The following ERG variants were observed in gnomAD, a reference collection of about 807,000 sequenced individuals.
ERG encodes the protein ETS transcription factor ERG.
Under a neutral mutation model 55.3 loss-of-function variants are expected in ERG, and 9 were observed. The ratio of observed to expected loss-of-function variants is 0.16; its 90% CI spans 0.10 to 0.28. The LOEUF (loss-of-function observed/expected upper bound fraction) is 0.28, where lower values mean the gene tolerates loss of function less well. ERG is among the 10% of genes least tolerant of loss of function. The probability of loss-of-function intolerance (pLI) is 1.00; values close to 1 mark genes in which losing one functional copy is unlikely to be tolerated. For missense variants in ERG, 434 were observed against 631.6 expected (o/e 0.69, Z 3.35); for synonymous variants, 223 against 237.3 (o/e 0.94, Z 0.55).
At chr21:38,451,174 G>A (rs1193922623) in intron 1 of ERG, 1 of 504,008 alleles carries the variant, frequency 2.0e-6, no homozygotes, top group Non-Finnish European at 4.0e-6. Flanking sequence ...AAGATGAAGG[G>A]ATAAGTGTCC....
At chr21:38,425,895 T>C (rs1053193529) in intron 2 of ERG, among the ~76,000 whole-genome samples, 3 of 152,202 alleles carry the variant, frequency 2.0e-5, no homozygotes, top group African/African-American at 7.2e-5. Context: ...CTGAAAGCCA[T>C]AGCTGGGATG....
At chr21:38,659,520 A>T (rs186002293) in intron 1 of ERG, among the ~76,000 whole-genome samples, 5 of 152,344 alleles carry the variant, frequency 3.3e-5, no homozygotes, top group Admixed American at 3.3e-4. Flanking sequence ...GAGAGAATGG[A>T]AAACAGTCAA....
At chr21:38,435,739 G>A (rs1233955366) in intron 2 of ERG, among the ~76,000 whole-genome samples, 3 of 152,180 alleles carry the variant, frequency 2.0e-5, no homozygotes, top group Admixed American at 2.0e-4. Flanking sequence ...ATGCCAGCAA[G>A]ACCGTGTTGC....
At chr21:38,596,128 C>G (rs1248252412) in intron 1 of ERG, among the ~76,000 whole-genome samples, 1 of 151,784 alleles carries the variant, frequency 6.6e-6, no homozygotes, top group East Asian at 1.9e-4. Flanking sequence ...TCATCACGAA[C>G]CCAGTTAACC....
At chr21:38,426,556 T>C (rs1447033576) in intron 2 of ERG, among the ~76,000 whole-genome samples, 3 of 152,216 alleles carry the variant, frequency 2.0e-5, no homozygotes, top group African/African-American at 7.2e-5. Context: ...GTGCCGGCCG[T>C]ATACCAGGTC....
intron 1 of ERG, among the ~76,000 whole-genome samples, chr21:38,619,925 T>C (rs1055774059): frequency 3.3e-5 from 5 of 152,242 alleles, no homozygotes; most frequent in Non-Finnish European, 4.4e-5. Flanking sequence ...AGAAGATACT[T>C]GACAAAGTCT....
intron 2 of ERG, among the ~76,000 whole-genome samples, chr21:38,510,229 G>A (rs2059500928): frequency 6.6e-6 from 1 of 152,216 alleles, no homozygotes; most frequent in Non-Finnish European, 1.5e-5. Flanking sequence ...TAGACAACGT[G>A]TTGCTCTTCC....
intron 2 of ERG, among the ~76,000 whole-genome samples, chr21:38,523,159 A>G (rs1391406137): frequency 6.6e-6 from 1 of 152,174 alleles, no homozygotes; most frequent in African/African-American, 2.4e-5. Flanking sequence ...AATATGCCCT[A>G]TCATTCTTAA....
intron 4 of ERG, among the ~76,000 whole-genome samples, chr21:38,402,850 G>A (rs982485257): frequency 2.0e-5 from 3 of 152,086 alleles, no homozygotes; most frequent in Non-Finnish European, 2.9e-5. Flanking sequence ...ATGGGGGCCC[G>A]TCTTTAATTC....
At chr21:38,564,003 G>A (rs953983750) in intron 2 of ERG, among the ~76,000 whole-genome samples, 1 of 151,942 alleles carries the variant, frequency 6.6e-6, no homozygotes, top group African/African-American at 2.4e-5. Context: ...TTTCTGATTG[G>A]TTTATGCCCC....
chr21:38,495,276 TTTAA>T (rs2146685683), intron 1 of ERG, among the ~76,000 whole-genome samples: 3 of 152,368 alleles, frequency 2.0e-5, no homozygotes, highest in Admixed American at 2.0e-4. Context: ...GCTTTATGTC[TTTAA>T]ATTAATAAAA....
chr21:38,625,574 C>A (rs1287679684), intron 1 of ERG, among the ~76,000 whole-genome samples: 1 of 152,018 alleles, frequency 6.6e-6, no homozygotes, highest in Non-Finnish European at 1.5e-5. Context: ...TGTGAAGCAG[C>A]GAGCCTTAAA....
intron 1 of ERG, among the ~76,000 whole-genome samples, chr21:38,472,365 T>A (rs1487725891): frequency 6.6e-6 from 1 of 152,184 alleles, no homozygotes; most frequent in African/African-American, 2.4e-5. Flanking sequence ...GGGCACTTTA[T>A]AATTTAATAA....
At chr21:38,588,509 T>G (rs2060080693), upstream of ERG, among the ~76,000 whole-genome samples, 1 of 151,982 alleles carries the variant, frequency 6.6e-6, no homozygotes, top group Admixed American at 6.6e-5. Flanking sequence ...AAGCTTAAGG[T>G]GTCAAAGCAG....
At chr21:38,467,155 C>T (rs2059098403) in intron 1 of ERG, among the ~76,000 whole-genome samples, 1 of 152,120 alleles carries the variant, frequency 6.6e-6, no homozygotes, top group African/African-American at 2.4e-5. Flanking sequence ...GTAGTTCAAG[C>T]AGAAACATCC....
chr21:38,376,812 C>T (rs761735150), downstream of ERG, among the ~76,000 whole-genome samples: 1 of 152,246 alleles, frequency 6.6e-6, no homozygotes, highest in Non-Finnish European at 1.5e-5. Flanking sequence ...AGAGCACCTG[C>T]AGCACGTATC....
intron 1 of ERG, among the ~76,000 whole-genome samples, chr21:38,628,501 C>T (rs143411974): frequency 2.0e-5 from 3 of 152,114 alleles, no homozygotes; most frequent in African/African-American, 7.2e-5. Flanking sequence ...AGGGAGGGGT[C>T]GATCTAAAAC....
chr21:38,582,786 G>T (rs1397368936), intron 1 of ERG, among the ~76,000 whole-genome samples: 1 of 151,484 alleles, frequency 6.6e-6, no homozygotes, highest in Admixed American at 6.6e-5. Context: ...TTGCTCTGTC[G>T]CCCAGGCTGG....
chr21:38,482,555 C>T (rs58030288), intron 1 of ERG, among the ~76,000 whole-genome samples: 3,225 of 152,208 alleles, frequency 0.021, 62 homozygotes, highest in East Asian at 0.084. Context: ...CGTAAAGATA[C>T]CCGCAGTGCC....
Sources: gnomAD v4.1 joint callset for allele counts (sites outside exome capture counted in the v4.1 genomes callset) on GRCh38, gnomAD v4.1.1 for gene constraint, MANE v1.5 for transcripts, NCBI Gene and HGNC (gene_info 2026-07-23, HGNC 2026-07-21) for gene names.